The following METTL4 variants were observed in gnomAD, a reference collection of about 807,000 sequenced individuals.
METTL4 encodes the protein N(6)-adenine-specific methyltransferase METTL4.
In METTL4, 40 loss-of-function variants were observed where a neutral mutation model predicts 54.0. That is an observed-to-expected ratio of 0.74 (90% CI 0.58 to 0.96). The LOEUF (loss-of-function observed/expected upper bound fraction) is 0.96. Among genes scored for constraint, METTL4 ranks in the 50% least tolerant of loss-of-function variants. The probability of loss-of-function intolerance (pLI) is 0.00; values close to 1 mark genes in which losing one functional copy is unlikely to be tolerated. For synonymous variants in METTL4, 169 were observed against 183.8 expected, an observed-to-expected ratio of 0.92 and a Z score of 0.65; for missense variants, 525 against 549.0, an observed-to-expected ratio of 0.96 and a Z score of 0.44.
chr18:2,567,196 C>A lies in METTL4; in HGVS notation c.21G>T (p.Leu7Phe). ...GATGATCCAGTAACCACCCAGCTGA[C>A]AACTGGTGTACCACAGACATTCCCT... MSVVHQ[L>F]SAGWLLDHLS... Residue 7 changes from leucine to phenylalanine, a missense_variant, in exon 2 of 9, where the codon TTG becomes TTT. Physicochemically the swap from Leu to Phe is conservative, Grantham distance 22. Coordinates refer to ENST00000574538, the MANE Select transcript of METTL4 (RefSeq NM_022840.5). 6.2e-7 allele frequency: 1 copy of A among 1,609,412 alleles called. No homozygotes were observed. Among genetic ancestry groups the A allele is most frequent in the Non-Finnish European group, 8.5e-7 (1 of 1,177,476 alleles).
At position 2,569,307 on chromosome 18, in the gene METTL4, T is replaced by C. The variant is rs928402466; in HGVS notation, c.-438-1653A>G. Among the ~76,000 whole-genome samples, 5 of 152,330 alleles carry C rather than the reference T, an allele frequency of 3.3e-5. No homozygotes were observed. In the South Asian group the frequency reaches 1.0e-3, roughly 32 times the overall value. The stretch of plus-strand genomic sequence containing the variant: ...ATACTAACTTTTTTGTCCATTTGAA[T>C]TATGTAAGTTGTGCTATAACAAATC... On this transcript the variant is annotated intron_variant, in intron 1 of 8. Coordinates refer to ENST00000574538, the MANE Select transcript of METTL4 (RefSeq NM_022840.5).
At chr18:2,540,860 C>A (rs985709322) in intron 8 of METTL4, 50 of 985,262 alleles carry the variant, frequency 5.1e-5, no homozygotes, top group Non-Finnish European at 5.5e-5. Context: ...ATGTTAGCAA[C>A]CCTATTTTAG....
intron 5 of METTL4, 62 bp from the exon 6 acceptor site, chr18:2,547,591 G>T (rs1475591354): frequency 1.7e-5 from 22 of 1,298,212 alleles, no homozygotes; most frequent in Non-Finnish European, 2.3e-5. Flanking sequence ...ACTAAGCAGG[G>T]ATAAGACATG....
At chr18:2,542,418 TAA>T (rs1026283374) in intron 8 of METTL4, among the ~76,000 whole-genome samples, 4 of 148,030 alleles carry the variant, frequency 2.7e-5, no homozygotes, top group African/African-American at 9.9e-5. Context: ...TTCACTATTT[TAA>T]AACCTGTCTC....
chr18:2,554,516 T>C, intron 4 of METTL4, 153 bp downstream of exon 4: 1 of 681,958 alleles, frequency 1.5e-6, no homozygotes, highest in Non-Finnish European at 2.4e-6. Context: ...AGTCAGCACC[T>C]TAAAATTAAA....
chr18:2,565,613 T>A (rs2072397191), intron 2 of METTL4, among the ~76,000 whole-genome samples: 1 of 152,194 alleles, frequency 6.6e-6, no homozygotes, highest in African/African-American at 2.4e-5. Context: ...TTATTCTAAT[T>A]CTCAACAAAC....
At chr18:2,551,784 G>T (rs1004564944) in intron 5 of METTL4, among the ~76,000 whole-genome samples, 10 of 152,310 alleles carry the variant, frequency 6.6e-5, no homozygotes, top group East Asian at 1.9e-4. Flanking sequence ...TAAGAAAGGT[G>T]AGGATCACTG....
At chr18:2,540,153 T>C in intron 8 of METTL4, 1 of 985,290 alleles carries the variant, frequency 1.0e-6, no homozygotes, top group African/African-American at 1.7e-5. Context: ...AGAGCTGTTG[T>C]CTACACTAAA....
chr18:2,556,414 G>T (rs887054064), intron 3 of METTL4, among the ~76,000 whole-genome samples: 4 of 151,926 alleles, frequency 2.6e-5, no homozygotes, highest in Non-Finnish European at 5.9e-5. Context: ...TGAGAAAAAA[G>T]CTCAAGAATA....
At chr18:2,544,620 A>G (rs114353157) in intron 7 of METTL4, 33 bp downstream of exon 7, 1 of 1,261,004 alleles carries the variant, frequency 7.9e-7, no homozygotes, top group South Asian at 1.2e-5. Context: ...AAATTAATAC[A>G]TGTATACAAT....
At chr18:2,548,823 C>T (rs972001762) in intron 5 of METTL4, among the ~76,000 whole-genome samples, 2 of 152,214 alleles carry the variant, frequency 1.3e-5, no homozygotes, top group Non-Finnish European at 2.9e-5. Flanking sequence ...AGTTCCCATC[C>T]TCCCTTTACC....
rs1022169703 is a variant in METTL4, at chr18:2,563,679, T to G, written c.459+118A>C. 1.0e-5 allele frequency: 6 copies of G among 587,712 alleles called. No individual in the cohort carries two copies. The South Asian group carries it at 1.4e-4, about 13-fold the overall frequency. The allele number at this position is 587,712 out of a possible 1,614,324, so 36.4% of individuals were successfully genotyped here. On this transcript the variant is annotated intron_variant, in intron 3 of 8. Transcript: ENST00000574538. Reference sequence around the variant, plus strand: ...AATTAACAATAAATATATTAAGTGCTAAGCCTGATCAAAATGATTGCTTGA... The same window carrying G: ...AATTAACAATAAATATATTAAGTGCGAAGCCTGATCAAAATGATTGCTTGA...
At chr18:2,550,579 G>A (rs1334687460) in intron 5 of METTL4, among the ~76,000 whole-genome samples, 1 of 152,138 alleles carries the variant, frequency 6.6e-6, no homozygotes, top group Non-Finnish European at 1.5e-5. Flanking sequence ...CAGTCCTGAA[G>A]ACACCTCACT....
chr18:2,566,814 T>G lies in METTL4; in HGVS notation c.396+7A>C, dbSNP rs191246366. 4 of 1,539,352 alleles carry G rather than the reference T, an allele frequency of 2.6e-6. No homozygotes were observed. The African/African-American group carries it at 4.2e-5, about 16-fold the overall frequency. On this transcript the variant is annotated splice_region_variant and intron_variant, in intron 2 of 8. Coordinates refer to ENST00000574538, the MANE Select transcript of METTL4 (RefSeq NM_022840.5). ...GAGAAAAATAAATATTTCTTAAAAC[T>G]TTCTACCTTCCCAATAATAGAAATG...
intron 8 of METTL4, chr18:2,539,664 T>C (rs980820937): frequency 3.2e-5 from 6 of 185,476 alleles, no homozygotes; most frequent in Non-Finnish European, 6.1e-5. Context: ...TGTATTTTAG[T>C]AGAGATGGGG....
intron 4 of METTL4, chr18:2,554,353 C>T (rs1054763930): frequency 4.9e-6 from 1 of 202,936 alleles, no homozygotes; most frequent in Non-Finnish European, 8.8e-6. Context: ...AGTGTTTCTA[C>T]TTTGCTATGA....
Position 2,544,694 on chromosome 18 carries a change from A to G in METTL4, c.1140T>C (p.Leu380=), listed in dbSNP as rs780426923. Residue 380 remains leucine (L), a synonymous_variant, in exon 7 of 9, where the codon CTT becomes CTC. Transcript: ENST00000574538. The stretch of plus-strand genomic sequence containing the variant: ...TTTTTTCTTGAACCCTCCCCAGTAT[A>G]AGACCTTCGTAGGGCTTTTTGTGTG... ...DSPHKKPYEG[L]ILGRVQEKTA... The G allele has an allele frequency of 1.2e-6, 2 of 1,613,072 alleles. No homozygotes were observed. The highest frequency in any genetic ancestry group is 1.7e-6 in the Non-Finnish European group (2 of 1,179,434).
chr18:2,541,737 ATTAAAC>A (rs1403673359), intron 8 of METTL4, among the ~76,000 whole-genome samples: 1 of 62,318 alleles, frequency 1.6e-5, no homozygotes, highest in African/African-American at 5.1e-5. Flanking sequence ...GAAATAACCA[ATTAAAC>A]TTAAAAAAAA....
At chr18:2,560,457 G>A (rs1402839523) in intron 3 of METTL4, among the ~76,000 whole-genome samples, 2 of 152,156 alleles carry the variant, frequency 1.3e-5, no homozygotes, top group Non-Finnish European at 2.9e-5. Context: ...AACACGAGAG[G>A]GCTAATAAGT....
Sources: gnomAD v4.1 joint callset for allele counts (sites outside exome capture counted in the v4.1 genomes callset) on GRCh38, gnomAD v4.1.1 for gene constraint, MANE v1.5 for transcripts, NCBI Gene and HGNC (gene_info 2026-07-23, HGNC 2026-07-21) for gene names.